WWTR1: variants seen among roughly 807,000 people sequenced by gnomAD.
The protein encoded by WWTR1 is WW domain containing transcription regulator 1.
In WWTR1, 13 loss-of-function variants were observed where a neutral mutation model predicts 40.1. The observed-to-expected ratio is 0.32, with a 90% CI of 0.21 to 0.52. WWTR1 has a LOEUF of 0.52. Among genes scored for constraint, WWTR1 ranks in the 20% least tolerant of loss-of-function variants. The pLI, the probability that WWTR1 is intolerant of heterozygous loss-of-function variation, is 0.97. For missense variants in WWTR1, 436 were observed against 523.1 expected, an observed-to-expected ratio of 0.83 and a Z score of 1.63; for synonymous variants, 230 against 210.1, an observed-to-expected ratio of 1.09 and a Z score of -0.82.
intron 1 of WWTR1, among the ~76,000 whole-genome samples, chr3:149,674,476 A>G (rs1223052920): frequency 6.6e-6 from 1 of 152,054 alleles, no homozygotes; most frequent in Non-Finnish European, 1.5e-5. Flanking sequence ...AGTCCCAGCT[A>G]CTTGGGAAGC....
At chr3:149,716,852 GA>G (rs201465290) in intron 5 of WWTR1, among the ~76,000 whole-genome samples, 3 of 151,758 alleles carry the variant, frequency 2.0e-5, no homozygotes, top group South Asian at 2.1e-4. Flanking sequence ...GAAATCATAA[GA>G]AAAAAAATGT....
At chr3:149,617,536 A>G (rs1740040907) in intron 2 of WWTR1, among the ~76,000 whole-genome samples, 1 of 152,234 alleles carries the variant, frequency 6.6e-6, no homozygotes, top group Admixed American at 6.5e-5. Flanking sequence ...GCAGTGGCTC[A>G]TGCCTATAAT....
chr3:149,656,783 TCTCTCTCTCACACA>T (rs1489830982), intron 2 of WWTR1, 79 bp downstream of exon 2: 2 of 892,368 alleles, frequency 2.2e-6, no homozygotes, highest in African/African-American at 1.9e-5. Flanking sequence ...TCTCTCTCTC[TCTCTCTCTCACACA>T]CACACACACA....
intron 3 of WWTR1, among the ~76,000 whole-genome samples, chr3:149,544,410 G>C (rs1285519845): frequency 1.3e-5 from 2 of 152,154 alleles, no homozygotes; most frequent in African/African-American, 4.8e-5. Context: ...CATGCACTGG[G>C]CTTAAACTTG....
chr3:149,657,082 C>T lies in WWTR1; in HGVS notation c.225G>A (p.Gly75=), dbSNP rs11539516. ...SSTDSSGGHP[G]PRLAGGAQHV... is the part of the protein sequence containing the mutation. ...GCTGGGCACCCCCAGCCAGTCGAGG[C>T]CCCGGGTGGCCGCCCGACGAGTCGG... Residue 75 remains glycine, a synonymous_variant, in exon 2 of 7, where the codon GGG becomes GGA. Coordinates refer to ENST00000360632, the MANE Select transcript of WWTR1 (RefSeq NM_015472.6). 345 of 1,568,490 alleles carry T rather than the reference C, an allele frequency of 2.2e-4. No homozygotes were observed. The highest frequency in any genetic ancestry group is 2.3e-4 in the Non-Finnish European group (271 of 1,160,708).
chr3:149,651,117 T>C (rs1712839901), intron 2 of WWTR1, among the ~76,000 whole-genome samples: 8 of 152,164 alleles, frequency 5.3e-5, no homozygotes. Flanking sequence ...GACAACTGAG[T>C]TAGCAGACAG....
chr3:149,611,913 A>G (rs562231917), intron 2 of WWTR1, among the ~76,000 whole-genome samples: 1 of 152,350 alleles, frequency 6.6e-6, no homozygotes, highest in East Asian at 1.9e-4. Flanking sequence ...TTAATTTCAA[A>G]AACACTTCTA....
At chr3:149,722,455 T>G (rs1042410442) in intron 4 of WWTR1, among the ~76,000 whole-genome samples, 3 of 152,196 alleles carry the variant, frequency 2.0e-5, no homozygotes, top group Non-Finnish European at 4.4e-5. Context: ...TTGGGTATCA[T>G]GTGTGTTCAT....
intron 1 of WWTR1, among the ~76,000 whole-genome samples, chr3:149,686,364 A>G (rs1488862294): frequency 6.6e-6 from 1 of 152,150 alleles, no homozygotes; most frequent in East Asian, 1.9e-4. Context: ...TTTAAGAGTG[A>G]AGAAACCAGC....
Position 149,652,034 on chromosome 3 carries a change from G to A in WWTR1, c.431+4842C>T, listed in dbSNP as rs192323329. Among the ~76,000 whole-genome samples, 434 of 133,118 alleles carry A rather than the reference G, an allele frequency of 3.3e-3. 5 individuals are homozygous for A. Among genetic ancestry groups the A allele is most frequent in the African/African-American group, 0.011 (387 of 35,468 alleles). The allele number at this position is 133,118 out of a possible 152,430, so 87.3% of individuals were successfully genotyped here. A position where few individuals can be genotyped will look rare whatever the true frequency, so the allele number is the denominator to read the frequency against. ...TTTTTTTGTATTTTTTAGTAGAGACGGGGTTTCACGGTGTTAGCCAGGATG... is the reference window on the plus strand; with the variant it reads ...TTTTTTTGTATTTTTTAGTAGAGACAGGGTTTCACGGTGTTAGCCAGGATG... On this transcript the variant is annotated intron_variant, in intron 2 of 6. Coordinates refer to ENST00000360632, the MANE Select transcript of WWTR1 (RefSeq NM_015472.6).
At chr3:149,533,342 G>A (rs1462533697) in intron 4 of WWTR1, among the ~76,000 whole-genome samples, 1 of 152,176 alleles carries the variant, frequency 6.6e-6, no homozygotes, top group African/African-American at 2.4e-5. Flanking sequence ...GACCAATCAG[G>A]ATAGAGAGGG....
chr3:149,655,891 G>A (rs1266609217), intron 2 of WWTR1, among the ~76,000 whole-genome samples: 2 of 152,166 alleles, frequency 1.3e-5, no homozygotes, highest in Admixed American at 1.3e-4. Flanking sequence ...AGAAATATGG[G>A]CTTTAAAATG....
At position 149,715,894 on chromosome 3, in the gene WWTR1, T is replaced by A. The variant is rs894795181; in HGVS notation, n.584+1548A>T. 2.6e-5 allele frequency among the ~76,000 whole-genome samples: 4 copies of A among 152,150 alleles called. No homozygotes were observed. The South Asian group carries it at 6.2e-4, about 24-fold the overall frequency. On this transcript the variant is annotated intron_variant and non_coding_transcript_variant, in intron 5 of 6. Coordinates refer to the WWTR1 transcript ENST00000474080. ...CAGAGGGGACTACAACATATTTAAC[T>A]GGATAAAAAGTCTTGTTTGGTTTGG...
At chr3:149,620,532 T>C (rs1459672652) in intron 2 of WWTR1, among the ~76,000 whole-genome samples, 1 of 144,552 alleles carries the variant, frequency 6.9e-6, no homozygotes, top group African/African-American at 2.6e-5. Flanking sequence ...GAGCTGGATC[T>C]CATATGTTCT....
intron 2 of WWTR1, among the ~76,000 whole-genome samples, chr3:149,615,245 C>T (rs1739920108): frequency 6.6e-6 from 1 of 152,190 alleles, no homozygotes; most frequent in South Asian, 2.1e-4. Flanking sequence ...CTGAAAATTG[C>T]ATTCAAAACA....
At chr3:149,543,443 A>T (rs1736216690) in intron 3 of WWTR1, among the ~76,000 whole-genome samples, 1 of 151,820 alleles carries the variant, frequency 6.6e-6, no homozygotes, top group African/African-American at 2.4e-5. Context: ...TTAGCCGGGC[A>T]TGATGGTGCA....
intron 3 of WWTR1, among the ~76,000 whole-genome samples, chr3:149,564,260 G>T (rs1419238722): frequency 6.6e-6 from 1 of 152,266 alleles, no homozygotes; most frequent in South Asian, 2.1e-4. Context: ...TTTAACAAAT[G>T]CCCCCAAGTG....
intron 2 of WWTR1, among the ~76,000 whole-genome samples, chr3:149,585,929 A>C (rs1157246591): frequency 6.6e-6 from 1 of 152,246 alleles, no homozygotes; most frequent in Non-Finnish European, 1.5e-5. Flanking sequence ...TATGACTTCA[A>C]CTAATGGAAA....
intron 3 of WWTR1, among the ~76,000 whole-genome samples, chr3:149,569,061 C>T (rs899356514): frequency 6.6e-6 from 1 of 151,812 alleles, no homozygotes; most frequent in South Asian, 2.1e-4. Flanking sequence ...CCACCGCGCC[C>T]GGCATCTAAA....
Sources: gnomAD v4.1 joint callset for allele counts (sites outside exome capture counted in the v4.1 genomes callset) on GRCh38, gnomAD v4.1.1 for gene constraint, MANE v1.5 for transcripts, NCBI Gene and HGNC (gene_info 2026-07-23, HGNC 2026-07-21) for gene names.